Variants in COG3 observed in about 807,000 individuals in gnomAD.
COG3 encodes the protein component of oligomeric golgi complex 3.
Under a neutral mutation model 114.1 loss-of-function variants are expected in COG3, and 32 were observed. The ratio of observed to expected loss-of-function variants is 0.28; its 90% CI spans 0.21 to 0.38. COG3 has a LOEUF of 0.38. Ranked by LOEUF, COG3 falls within the 10% of genes least tolerant of loss-of-function variation. COG3 has a pLI of 1.00. For synonymous variants in COG3, 352 were observed against 365.7 expected (o/e 0.96, Z 0.43); for missense variants, 813 against 973.2 (o/e 0.84, Z 2.19).
chr13:45,488,020 A>G (rs528557011), intron 8 of COG3, among the ~76,000 whole-genome samples: 1 of 152,246 alleles, frequency 6.6e-6, no homozygotes, highest in Non-Finnish European at 1.5e-5. Context: ...TGTGGTATAT[A>G]TAAACAATAA....
chr13:45,496,570 A>C (rs1189850226), intron 13 of COG3, among the ~76,000 whole-genome samples: 2 of 152,098 alleles, frequency 1.3e-5, no homozygotes, highest in Admixed American at 1.3e-4. Flanking sequence ...TTCTTCCTCA[A>C]AATGTAAAAT....
At chr13:45,492,066 T>C in intron 10 of COG3, 93 bp from the exon 11 acceptor site, 1 of 739,444 alleles carries the variant, frequency 1.4e-6, no homozygotes, top group Non-Finnish European at 2.2e-6. Context: ...TGTGTATGTG[T>C]TATCTCTGCA....
chr13:45,517,500 T>A (rs1247873097), intron 17 of COG3, among the ~76,000 whole-genome samples: 2 of 152,040 alleles, frequency 1.3e-5, no homozygotes, highest in African/African-American at 4.8e-5. Flanking sequence ...TTAAAATTTT[T>A]AAATTATTTT....
rs1873507138 is a variant in COG3 at position 45,535,700 on chromosome 13, G to A, written c.*969G>A. ...ACCAGCTGTGTGGATCTCTAGCCCA[G>A]CTACAGCAGAATACATTTTACCAGC... On this transcript the variant is annotated 3_prime_UTR_variant, in exon 23 of 23. Coordinates refer to ENST00000349995, the MANE Select transcript of COG3 (RefSeq NM_031431.4). 1 of 984,846 alleles carries A rather than the reference G, an allele frequency of 1.0e-6. No homozygotes were observed. Among genetic ancestry groups the A allele is most frequent in the South Asian group, 4.7e-5 (1 of 21,242 alleles). The allele number at this position is 984,846 out of a possible 1,614,324, so 61.0% of individuals were successfully genotyped here. A position where few individuals can be genotyped will look rare whatever the true frequency, so the allele number is the denominator to read the frequency against.
At chr13:45,491,575 T>A in intron 10 of COG3, 37 bp downstream of exon 10, 1 of 1,594,988 alleles carries the variant, frequency 6.3e-7, no homozygotes, top group East Asian at 2.2e-5. Flanking sequence ...TGTTAAATCT[T>A]CCTCTTGAGT....
intron 13 of COG3, among the ~76,000 whole-genome samples, chr13:45,502,015 C>G (rs1349136828): frequency 6.6e-6 from 1 of 152,148 alleles, no homozygotes; most frequent in Admixed American, 6.5e-5. Flanking sequence ...ATCAGATCCC[C>G]TTGTAGGGCA....
intron 2 of COG3, among the ~76,000 whole-genome samples, chr13:45,476,979 T>C (rs1208777828): frequency 6.6e-6 from 1 of 152,212 alleles, no homozygotes; most frequent in East Asian, 1.9e-4. Context: ...CGATGAAGAA[T>C]TACAGTTCCT....
intron 20 of COG3, 111 bp from the exon 21 acceptor site, chr13:45,529,680 A>C (rs1162463223): frequency 1.4e-6 from 1 of 719,418 alleles, no homozygotes; most frequent in African/African-American, 1.8e-5. Context: ...TTGGGGAAAT[A>C]AAGAGTCTTT....
In COG3 at chr13:45,534,812, G is replaced by T; in HGVS notation, c.*81G>T. The T allele has an allele frequency of 6.9e-7, 1 of 1,448,836 alleles. No individual in the cohort carries two copies. Among genetic ancestry groups the T allele is most frequent in the Non-Finnish European group, 9.1e-7 (1 of 1,099,548 alleles). The allele number at this position is 1,448,836 out of a possible 1,614,324, so 89.7% of individuals were successfully genotyped here. On this transcript the variant is annotated 3_prime_UTR_variant, in exon 23 of 23. Coordinates refer to ENST00000349995, the MANE Select transcript of COG3 (RefSeq NM_031431.4). ...GTCTTGCAGTCTGCAGGACACCGAG[G>T]AATCGTATGTGGGAACGTCCCCGAG...
chr13:45,493,647 C>T, intron 12 of COG3, 161 bp downstream of exon 12: 1 of 487,552 alleles, frequency 2.1e-6, no homozygotes, highest in Non-Finnish European at 3.5e-6. Flanking sequence ...GCACCTTATT[C>T]TGTCACTAAA....
intron 1 of COG3, among the ~76,000 whole-genome samples, chr13:45,468,777 CTG>C (rs917858642): frequency 2.0e-5 from 3 of 152,196 alleles, no homozygotes; most frequent in Non-Finnish European, 4.4e-5. Context: ...CAATCTAGAA[CTG>C]TGTTCTCTCT....
At position 45,535,088 on chromosome 13, in the gene COG3, A is replaced by G. The variant is rs1403444530; in HGVS notation, c.*357A>G. 13 of 1,041,804 alleles carry G rather than the reference A, an allele frequency of 1.2e-5. No individual in the cohort carries two copies. The highest frequency in any genetic ancestry group is 8.1e-6 in the Non-Finnish European group (7 of 867,996). The allele number at this position is 1,041,804 out of a possible 1,614,324, so 64.5% of individuals were successfully genotyped here. A position where few individuals can be genotyped will look rare whatever the true frequency, so the allele number is the denominator to read the frequency against. Reference sequence around the variant, plus strand: ...AAGTAGTGCAAAGAACTTTACAGAAATCAAGCGAATTAGAAGGCCTGTAAG... The same window carrying G: ...AAGTAGTGCAAAGAACTTTACAGAAGTCAAGCGAATTAGAAGGCCTGTAAG... On this transcript the variant is annotated 3_prime_UTR_variant, in exon 23 of 23. Coordinates refer to ENST00000349995, the MANE Select transcript of COG3 (RefSeq NM_031431.4).
At chr13:45,531,504 G>GTTTTTT (rs35581278) in intron 22 of COG3, among the ~76,000 whole-genome samples, 3 of 149,586 alleles carry the variant, frequency 2.0e-5, no homozygotes, top group South Asian at 4.2e-4. Flanking sequence ...TAAATCTTGT[G>GTTTTTT]TTTTTGTTTT....
chr13:45,488,982 G>C (rs141532461), intron 8 of COG3, among the ~76,000 whole-genome samples: 1 of 151,834 alleles, frequency 6.6e-6, no homozygotes, highest in African/African-American at 2.4e-5. Context: ...GAGTTTAGGA[G>C]TTTGAGACCA....
chr13:45,519,973 G>A (rs1871943115), intron 19 of COG3, among the ~76,000 whole-genome samples: 1 of 152,166 alleles, frequency 6.6e-6, no homozygotes, highest in African/African-American at 2.4e-5. Flanking sequence ...AGGACTTAAA[G>A]ATATTTAAGA....
chr13:45,522,626 A>G (rs1213991156), intron 19 of COG3, among the ~76,000 whole-genome samples: 1 of 152,164 alleles, frequency 6.6e-6, no homozygotes, highest in Non-Finnish European at 1.5e-5. Flanking sequence ...CTTTCCTGAG[A>G]AAAAATAAAA....
intron 1 of COG3, among the ~76,000 whole-genome samples, chr13:45,475,574 A>G (rs1885810330): frequency 6.6e-6 from 1 of 152,136 alleles, no homozygotes; most frequent in Non-Finnish European, 1.5e-5. Flanking sequence ...AACTACTTTC[A>G]ATAGCACATA....
intron 13 of COG3, among the ~76,000 whole-genome samples, chr13:45,498,920 C>T (rs755611123): frequency 2.0e-5 from 3 of 151,650 alleles, no homozygotes; most frequent in Admixed American, 1.3e-4. Context: ...ATGATACAGG[C>T]GTTCACCTTT....
intron 13 of COG3, among the ~76,000 whole-genome samples, chr13:45,501,639 A>G (rs1288563889): frequency 6.6e-6 from 1 of 152,140 alleles, no homozygotes; most frequent in Non-Finnish European, 1.5e-5. Flanking sequence ...GAAGGATTGT[A>G]TTAGAAAGAG....
Sources: gnomAD v4.1 joint callset for allele counts (sites outside exome capture counted in the v4.1 genomes callset) on GRCh38, gnomAD v4.1.1 for gene constraint, MANE v1.5 for transcripts, NCBI Gene and HGNC (gene_info 2026-07-23, HGNC 2026-07-21) for gene names.